Variants in GADL1 observed in about 807,000 individuals in gnomAD.
GADL1 encodes the protein acidic amino acid decarboxylase GADL1.
Under a neutral mutation model 69.5 loss-of-function variants are expected in GADL1, and 71 were observed. The ratio of observed to expected loss-of-function variants is 1.02; its 90% CI spans 0.84 to 1.25. The LOEUF (loss-of-function observed/expected upper bound fraction) is 1.25. Among genes scored for constraint, GADL1 ranks in the 50% most tolerant of loss-of-function variants. GADL1 has a pLI of 0.00. For synonymous variants in GADL1, 254 were observed against 214.4 expected (o/e 1.18, Z -1.62); for missense variants, 737 against 631.8 (o/e 1.17, Z -1.79).
intron 12 of GADL1, among the ~76,000 whole-genome samples, chr3:30,797,244 A>G (rs181733632): frequency 1.6e-3 from 239 of 152,300 alleles, no homozygotes; most frequent in African/African-American, 5.5e-3. Context: ...GATATAAAGT[A>G]TAAAGTCATG....
At chr3:30,833,966 G>C in intron 10 of GADL1, 32 bp from the exon 11 acceptor site, 1 of 1,484,976 alleles carries the variant, frequency 6.7e-7, no homozygotes, top group Non-Finnish European at 9.4e-7. Flanking sequence ...AGAGTAGGGA[G>C]AGGACTCAAT....
chr3:30,891,032 TCTTCCTTC>T (rs59987855), intron 1 of GADL1, among the ~76,000 whole-genome samples: 26 of 150,320 alleles, frequency 1.7e-4, no homozygotes, highest in East Asian at 1.6e-3. Context: ...TACTTTGCAT[TCTTCCTTC>T]CTTCCTTCCT....
intron 11 of GADL1, among the ~76,000 whole-genome samples, chr3:30,817,274 A>C (rs1697492966): frequency 6.6e-6 from 1 of 152,148 alleles, no homozygotes; most frequent in African/African-American, 2.4e-5. Flanking sequence ...GGAGTGTTAA[A>C]CTCCATGAGT....
At chr3:30,846,064 AAAAAC>A (rs1270355275) in intron 6 of GADL1, among the ~76,000 whole-genome samples, 8 of 152,202 alleles carry the variant, frequency 5.3e-5, no homozygotes, top group African/African-American at 1.2e-4. Context: ...CAAAAAAAAA[AAAAAC>A]AAAAAACTGC....
At chr3:30,764,221 C>CCTAATAG (rs1553636743) in intron 14 of GADL1, among the ~76,000 whole-genome samples, 11 of 151,550 alleles carry the variant, frequency 7.3e-5, no homozygotes, top group African/African-American at 2.7e-4. Context: ...GAAAAATTCT[C>CCTAATAG]TTAAGAGATT....
chr3:30,734,353 T>G (rs1286714532), intron 14 of GADL1, among the ~76,000 whole-genome samples: 1 of 152,224 alleles, frequency 6.6e-6, no homozygotes, highest in Non-Finnish European at 1.5e-5. Context: ...TATTCTTATC[T>G]CTGAACTACA....
chr3:30,746,599 G>A (rs190505806), intron 14 of GADL1, among the ~76,000 whole-genome samples: 8 of 152,268 alleles, frequency 5.3e-5, no homozygotes, highest in Admixed American at 4.6e-4. Context: ...AAGGTGACAG[G>A]TGGGCCAACA....
Position 30,849,995 on chromosome 3 carries a change from C to T in GADL1, c.651+1G>A. ...TATTCAATACCAAAAATAATTTTTA[C>T]CTCTGCAGATGTGAAAAGGATTAAT... is the stretch of plus-strand genomic sequence containing the variant. On this transcript the variant is annotated splice_donor_variant, in intron 6 of 14. Coordinates refer to ENST00000282538, the MANE Select transcript of GADL1 (RefSeq NM_207359.3). LOFTEE classifies it high-confidence loss of function. The T allele has an allele frequency of 2.6e-6, 4 of 1,534,838 alleles. No individual in the cohort carries two copies. Among genetic ancestry groups the T allele is most frequent in the Non-Finnish European group, 3.6e-6 (4 of 1,109,832 alleles).
intron 12 of GADL1, among the ~76,000 whole-genome samples, chr3:30,796,635 C>T (rs556871804): frequency 6.6e-6 from 1 of 152,238 alleles, no homozygotes; most frequent in South Asian, 2.1e-4. Context: ...TCTTTGCATC[C>T]ATCTTCCTCC....
intron 1 of GADL1, among the ~76,000 whole-genome samples, chr3:30,890,316 C>A (rs1324050056): frequency 6.6e-6 from 1 of 152,170 alleles, no homozygotes; most frequent in Non-Finnish European, 1.5e-5. Flanking sequence ...GTGCCAGGCA[C>A]TTTGCTAGAT....
chr3:30,831,742 C>T (rs1213285566), intron 11 of GADL1, among the ~76,000 whole-genome samples: 1 of 151,886 alleles, frequency 6.6e-6, no homozygotes, highest in Non-Finnish European at 1.5e-5. Context: ...CCACATTTCC[C>T]TACATCACAT....
chr3:30,890,214 G>A (rs981088625), intron 1 of GADL1, among the ~76,000 whole-genome samples: 9 of 152,014 alleles, frequency 5.9e-5, no homozygotes, highest in East Asian at 5.8e-4. Context: ...TTAAGATTTC[G>A]GGAATCATGC....
At chr3:30,768,521 TAAG>T (rs139713093) in intron 14 of GADL1, among the ~76,000 whole-genome samples, 4 of 123,758 alleles carry the variant, frequency 3.2e-5, no homozygotes, top group African/African-American at 9.5e-5. Flanking sequence ...TTAGAGGAAA[TAAG>T]AATGAAATTT....
intron 14 of GADL1, among the ~76,000 whole-genome samples, chr3:30,750,425 C>T (rs1559486304): frequency 6.6e-6 from 1 of 152,162 alleles, no homozygotes; most frequent in Non-Finnish European, 1.5e-5. Context: ...GATGCATCGT[C>T]CACATCCACT....
intron 14 of GADL1, among the ~76,000 whole-genome samples, chr3:30,753,402 C>T (rs1695882229): frequency 6.6e-6 from 1 of 152,028 alleles, no homozygotes. Flanking sequence ...TTGCATTTTG[C>T]TTATTTACCT....
At chr3:30,774,398 T>A (rs924906516) in intron 14 of GADL1, among the ~76,000 whole-genome samples, 1 of 152,206 alleles carries the variant, frequency 6.6e-6, no homozygotes, top group Admixed American at 6.5e-5. Context: ...TTTTTAATAG[T>A]TTTCTACTAC....
intron 14 of GADL1, among the ~76,000 whole-genome samples, chr3:30,752,155 A>G (rs927438491): frequency 6.6e-6 from 1 of 151,362 alleles, no homozygotes; most frequent in Non-Finnish European, 1.5e-5. Flanking sequence ...AAGCTTGAGC[A>G]GAAGATGCGG....
intron 8 of GADL1, among the ~76,000 whole-genome samples, chr3:30,840,647 A>G (rs573827942): frequency 6.6e-6 from 1 of 152,316 alleles, no homozygotes; most frequent in South Asian, 2.1e-4. Context: ...CTCATAAACT[A>G]TATGACATCC....
intron 14 of GADL1, among the ~76,000 whole-genome samples, chr3:30,730,231 T>C (rs1019866887): frequency 6.6e-6 from 1 of 152,308 alleles, no homozygotes; most frequent in Admixed American, 6.5e-5. Context: ...TGGTTGAGTT[T>C]TCTTCCAAAT....
Sources: allele counts gnomAD v4.1 joint callset (sites outside exome capture counted in the v4.1 genomes callset), GRCh38; gene constraint gnomAD v4.1.1; transcripts MANE v1.5; gene names NCBI Gene and HGNC (gene_info 2026-07-23, HGNC 2026-07-21).